The following RANBP17 variants were observed in gnomAD, a reference collection of about 807,000 sequenced individuals.
RANBP17 encodes RAN binding protein 17.
RANBP17 carries 158 observed loss-of-function variants against 141.2 expected under a neutral mutation model. That is an observed-to-expected ratio of 1.12 (90% CI 0.98 to 1.28). The LOEUF (loss-of-function observed/expected upper bound fraction) is 1.28, where lower values mean the gene tolerates loss of function less well. RANBP17 is among the 50% of genes most tolerant of loss of function. RANBP17 has a pLI of 0.00. For missense variants in RANBP17, 1,438 were observed against 1,290.7 expected, an observed-to-expected ratio of 1.11 and a Z score of -1.75; for synonymous variants, 430 against 450.0, an observed-to-expected ratio of 0.96 and a Z score of 0.56.
At chr5:170,995,452 A>G (rs895159022) in intron 14 of RANBP17, among the ~76,000 whole-genome samples, 4 of 152,168 alleles carry the variant, frequency 2.6e-5, no homozygotes, top group African/African-American at 7.2e-5. Flanking sequence ...AAATAAAATT[A>G]TAGTATGAAG....
intron 14 of RANBP17, among the ~76,000 whole-genome samples, chr5:170,978,158 A>C (rs1363060098): frequency 6.6e-6 from 1 of 152,154 alleles, no homozygotes; most frequent in Admixed American, 6.5e-5. Context: ...CCTAAGTGAA[A>C]TATCACTGCT....
chr5:170,965,650 T>A (rs1438405859), intron 13 of RANBP17, among the ~76,000 whole-genome samples: 1 of 152,306 alleles, frequency 6.6e-6, no homozygotes, highest in South Asian at 2.1e-4. Context: ...ATTTATTAAA[T>A]AGGGAATCCT....
At chr5:171,096,875 T>C (rs1014642670) in intron 14 of RANBP17, among the ~76,000 whole-genome samples, 1 of 152,158 alleles carries the variant, frequency 6.6e-6, no homozygotes, top group African/African-American at 2.4e-5. Context: ...GGGATGTTTC[T>C]AAGATCTTAG....
At chr5:171,242,658 A>T in intron 23 of RANBP17, 24 bp from the exon 24 acceptor site, 1 of 1,606,336 alleles carries the variant, frequency 6.2e-7, no homozygotes, top group East Asian at 2.2e-5. Context: ...GTGGCTTGAC[A>T]TTTAGTATAT....
rs199527310 is a variant in RANBP17 at position 171,265,732 on chromosome 5, A to G, written c.2828A>G (p.Tyr943Cys). ...CCTSLDYIVT[Y>C]LFKHIAKEGK... The stretch of plus-strand genomic sequence containing the variant: ...ACCAGTTTAGACTACATCGTCACCT[A>G]CCTCTTCAAGCACATAGCAAAAGAG... Residue 943 changes from tyrosine (Y) to cysteine (C), a missense_variant, in exon 25 of 28, where the codon TAC becomes TGC. Physicochemically the swap from Tyr to Cys is radical, Grantham distance 194 (BLOSUM62 -2). Coordinates refer to ENST00000523189, the MANE Select transcript of RANBP17 (RefSeq NM_022897.5). The G allele has an allele frequency of 1.9e-6, 3 of 1,613,900 alleles. No homozygotes were observed. The highest frequency in any genetic ancestry group is 1.7e-5 in the Admixed American group (1 of 59,988).
At chr5:171,194,332 C>G (rs1337715843) in intron 18 of RANBP17, among the ~76,000 whole-genome samples, 1 of 152,152 alleles carries the variant, frequency 6.6e-6, no homozygotes, top group Admixed American at 6.6e-5. Flanking sequence ...CATCACCCCC[C>G]TCAAAAACCC....
chr5:171,120,126 C>T (rs29650), intron 14 of RANBP17, among the ~76,000 whole-genome samples: 94,383 of 151,020 alleles, frequency 0.62, 30,564 homozygotes, highest in South Asian at 0.88. Flanking sequence ...TCAGACAGAG[C>T]GGCTCCTGTT....
intron 14 of RANBP17, among the ~76,000 whole-genome samples, chr5:171,152,447 C>T (rs553729788): frequency 6.7e-6 from 1 of 150,152 alleles, no homozygotes; most frequent in Admixed American, 6.6e-5. Context: ...CAAAAAGATA[C>T]AAGCTTTACC....
At chr5:170,982,594 A>G (rs1391375266) in intron 14 of RANBP17, among the ~76,000 whole-genome samples, 2 of 152,202 alleles carry the variant, frequency 1.3e-5, no homozygotes, top group African/African-American at 2.4e-5. Flanking sequence ...AAGTTAAAAT[A>G]AAACTGGATA....
At chr5:170,999,277 A>G (rs550613161) in intron 14 of RANBP17, among the ~76,000 whole-genome samples, 3 of 152,218 alleles carry the variant, frequency 2.0e-5, no homozygotes, top group Admixed American at 6.5e-5. Flanking sequence ...TTCTTTCATC[A>G]TATTTTTATA....
intron 14 of RANBP17, among the ~76,000 whole-genome samples, chr5:171,056,724 T>C (rs1783401575): frequency 6.6e-6 from 1 of 152,192 alleles, no homozygotes; most frequent in Non-Finnish European, 1.5e-5. Flanking sequence ...AATTTTACTT[T>C]GGAAAGTTTG....
chr5:171,155,081 A>AG (rs1282372729), intron 14 of RANBP17, among the ~76,000 whole-genome samples: 6 of 95,274 alleles, frequency 6.3e-5, no homozygotes, highest in Admixed American at 4.4e-4. Flanking sequence ...CCATCTAGAA[A>AG]AAAAAAAAAA....
intron 14 of RANBP17, among the ~76,000 whole-genome samples, chr5:171,167,022 C>A (rs1395790257): frequency 8.5e-5 from 13 of 152,146 alleles, no homozygotes; most frequent in Non-Finnish European, 7.3e-5. Flanking sequence ...TAATGGGAAT[C>A]AAAGCTAATG....
chr5:170,967,991 A>G (rs572628382), intron 13 of RANBP17, among the ~76,000 whole-genome samples: 9 of 151,978 alleles, frequency 5.9e-5, no homozygotes. Context: ...CTGTATATAC[A>G]TACAGAGTTT....
intron 14 of RANBP17, among the ~76,000 whole-genome samples, chr5:171,057,869 C>G (rs976636653): frequency 1.3e-5 from 2 of 152,018 alleles, no homozygotes; most frequent in Admixed American, 1.3e-4. Flanking sequence ...CCCCCATGAT[C>G]CAATTACCTA....
intron 12 of RANBP17, among the ~76,000 whole-genome samples, chr5:170,927,695 G>A (rs1561899235): frequency 6.6e-6 from 1 of 151,958 alleles, no homozygotes; most frequent in East Asian, 1.9e-4. Flanking sequence ...ATTCAAATAT[G>A]GTGAGCATAT....
chr5:171,010,785 C>G (rs141184412), intron 14 of RANBP17, among the ~76,000 whole-genome samples: 3 of 152,032 alleles, frequency 2.0e-5, no homozygotes, highest in Admixed American at 1.3e-4. Context: ...AAGTTTATAC[C>G]AGTAAATTTG....
chr5:171,055,264 A>G (rs1280539841), intron 14 of RANBP17, among the ~76,000 whole-genome samples: 3 of 152,180 alleles, frequency 2.0e-5, no homozygotes, highest in Non-Finnish European at 2.9e-5. Context: ...AGCAGCTAGA[A>G]ATCACTGGTT....
At chr5:171,066,742 C>T (rs901668218) in intron 14 of RANBP17, among the ~76,000 whole-genome samples, 1 of 152,096 alleles carries the variant, frequency 6.6e-6, no homozygotes, top group Non-Finnish European at 1.5e-5. Flanking sequence ...TGAGGAGCCT[C>T]CATATTGTTT....
Sources: allele counts gnomAD v4.1 joint callset (sites outside exome capture counted in the v4.1 genomes callset), GRCh38; gene constraint gnomAD v4.1.1; transcripts MANE v1.5; gene names NCBI Gene and HGNC (gene_info 2026-07-23, HGNC 2026-07-21).